WWOX: variants seen among roughly 807,000 people sequenced by gnomAD.
WWOX encodes WW domain-containing oxidoreductase.
In WWOX, 69 loss-of-function variants were observed where a neutral mutation model predicts 46.2. The ratio of observed to expected loss-of-function variants is 1.49; its 90% confidence interval spans 1.23 to 1.82. WWOX has a LOEUF of 1.82. Among genes scored for constraint, WWOX ranks in the 40% most tolerant of loss-of-function variants. The pLI is 0.00. For synonymous variants in WWOX, 359 were observed against 202.6 expected (o/e 1.77, Z -6.56); for missense variants, 919 against 542.6 (o/e 1.69, Z -6.89).
chr16:78,955,542 G>A (rs577946607), intron 8 of WWOX, among the ~76,000 whole-genome samples: 1 of 152,234 alleles, frequency 6.6e-6, no homozygotes, highest in South Asian at 2.1e-4. Flanking sequence ...GATAATAACT[G>A]CACTTTTTAA....
chr16:78,121,059 G>A (rs905185278), intron 4 of WWOX, among the ~76,000 whole-genome samples: 3 of 151,720 alleles, frequency 2.0e-5, no homozygotes, highest in African/African-American at 7.3e-5. Flanking sequence ...CATTTTCATG[G>A]GTAAAACACA....
chr16:78,373,777 A>G (rs1411463847), intron 5 of WWOX, among the ~76,000 whole-genome samples: 1 of 152,020 alleles, frequency 6.6e-6, no homozygotes. Flanking sequence ...TTATTTTTAA[A>G]CTTTTCTGAG....
At chr16:78,987,967 T>C (rs142266263) in intron 8 of WWOX, among the ~76,000 whole-genome samples, 131 of 152,104 alleles carry the variant, frequency 8.6e-4, no homozygotes, top group Non-Finnish European at 1.4e-3. Flanking sequence ...CAAACCCAAA[T>C]TGAGTAATTT....
At position 79,211,951 on chromosome 16, in the gene WWOX, C is replaced by T; in HGVS notation, c.*155C>T. On this transcript the variant is annotated 3_prime_UTR_variant, in exon 9 of 9. Transcript: ENST00000566780. Reference sequence around the variant, plus strand: ...ACAACAGAGTGAAAAATCTTAAGTACCAATGGGAAGCAGGGAATTCCTGGG... The same window carrying T: ...ACAACAGAGTGAAAAATCTTAAGTATCAATGGGAAGCAGGGAATTCCTGGG... 1.3e-6 allele frequency: 2 copies of T among 1,536,706 alleles called. No individual in the cohort carries two copies. Among genetic ancestry groups the T allele is most frequent in the South Asian group, 1.2e-5 (1 of 84,144 alleles).
chr16:78,756,372 G>A (rs1232655159), intron 8 of WWOX, among the ~76,000 whole-genome samples: 1 of 152,064 alleles, frequency 6.6e-6, no homozygotes, highest in Non-Finnish European at 1.5e-5. Flanking sequence ...GGGTGAAGGC[G>A]GTTGAGATAG....
At chr16:79,138,548 G>C (rs565493443) in intron 8 of WWOX, among the ~76,000 whole-genome samples, 9 of 152,322 alleles carry the variant, frequency 5.9e-5, no homozygotes, top group East Asian at 5.8e-4. Flanking sequence ...CCTGGCATCA[G>C]ACCTGGCAGG....
intron 8 of WWOX, among the ~76,000 whole-genome samples, chr16:78,822,680 T>G (rs1447719251): frequency 6.6e-6 from 1 of 152,168 alleles, no homozygotes; most frequent in Non-Finnish European, 1.5e-5. Flanking sequence ...GAGAGTTACA[T>G]TGCTGGGTGA....
intron 6 of WWOX, among the ~76,000 whole-genome samples, chr16:78,404,552 C>G (rs1054514475): frequency 6.6e-6 from 1 of 152,104 alleles, no homozygotes; most frequent in African/African-American, 2.4e-5. Context: ...TTGTGGAGTT[C>G]GCTAAATTCT....
At chr16:78,753,524 G>A (rs1041826690) in intron 8 of WWOX, among the ~76,000 whole-genome samples, 1 of 151,824 alleles carries the variant, frequency 6.6e-6, no homozygotes, top group African/African-American at 2.4e-5. Flanking sequence ...ACTTGCCCAG[G>A]TGCAGTGGCT....
intron 8 of WWOX, among the ~76,000 whole-genome samples, chr16:79,084,550 G>A (rs2048819509): frequency 6.6e-6 from 1 of 152,026 alleles, no homozygotes; most frequent in Non-Finnish European, 1.5e-5. Flanking sequence ...GAGTAGCTGG[G>A]ACTACAGGTG....
At chr16:78,885,323 A>G (rs1160178344) in intron 8 of WWOX, among the ~76,000 whole-genome samples, 2 of 152,102 alleles carry the variant, frequency 1.3e-5, no homozygotes, top group African/African-American at 4.8e-5. Context: ...TATTTGAATA[A>G]CATTTGGTCA....
At chr16:78,143,535 C>T (rs561120118) in intron 4 of WWOX, among the ~76,000 whole-genome samples, 6 of 152,172 alleles carry the variant, frequency 3.9e-5, no homozygotes, top group Non-Finnish European at 8.8e-5. Flanking sequence ...CACATCATAA[C>T]AGCAGAATTG....
At chr16:79,147,128 T>C (rs1409539149) in intron 8 of WWOX, among the ~76,000 whole-genome samples, 1 of 152,214 alleles carries the variant, frequency 6.6e-6, no homozygotes, top group Non-Finnish European at 1.5e-5. Context: ...TGTCTACATA[T>C]GTAGTTTTAT....
intron 8 of WWOX, among the ~76,000 whole-genome samples, chr16:78,486,030 T>A (rs920964055): frequency 2.6e-5 from 4 of 152,248 alleles, no homozygotes; most frequent in East Asian, 1.9e-4. Flanking sequence ...GAATCGTAGA[T>A]GTTTTATCTG....
intron 8 of WWOX, among the ~76,000 whole-genome samples, chr16:78,870,604 C>A (rs1258773846): frequency 6.6e-6 from 1 of 151,984 alleles, no homozygotes; most frequent in Non-Finnish European, 1.5e-5. Flanking sequence ...GTAATCAGTT[C>A]TTTTTTTCTT....
intron 8 of WWOX, among the ~76,000 whole-genome samples, chr16:78,484,417 T>C (rs773517716): frequency 1.3e-5 from 2 of 152,248 alleles, no homozygotes; most frequent in Non-Finnish European, 2.9e-5. Context: ...TTGGTCGATA[T>C]ACTCTGTAAC....
At chr16:78,805,885 G>A (rs1010816240) in intron 8 of WWOX, among the ~76,000 whole-genome samples, 2 of 152,112 alleles carry the variant, frequency 1.3e-5, no homozygotes, top group Non-Finnish European at 2.9e-5. Context: ...GCCTTGTTGG[G>A]TCTTCTTTCT....
At chr16:78,747,891 G>T (rs117122605) in intron 8 of WWOX, among the ~76,000 whole-genome samples, 74 of 152,238 alleles carry the variant, frequency 4.9e-4, no homozygotes, top group Non-Finnish European at 9.3e-4. Context: ...CCACCTGTCA[G>T]TGGAGGGGCA....
At chr16:78,952,161 GC>G (rs2046073656) in intron 8 of WWOX, among the ~76,000 whole-genome samples, 1 of 151,704 alleles carries the variant, frequency 6.6e-6, no homozygotes, top group African/African-American at 2.4e-5. Context: ...CTCTCTTTTG[GC>G]TTCCTGCAGT....
Sources: allele counts gnomAD v4.1 joint callset (sites outside exome capture counted in the v4.1 genomes callset), GRCh38; gene constraint gnomAD v4.1.1; transcripts MANE v1.5; gene names NCBI Gene and HGNC (gene_info 2026-07-23, HGNC 2026-07-21).